The following DPP10 variants were observed in gnomAD, a reference collection of about 807,000 sequenced individuals.
DPP10 encodes the protein inactive dipeptidyl peptidase 10.
A neutral mutation model predicts 120.9 loss-of-function variants in DPP10; 33 were observed. The ratio of observed to expected loss-of-function variants is 0.27; its 90% CI spans 0.21 to 0.37. The LOEUF (loss-of-function observed/expected upper bound fraction) is 0.37. Ranked by LOEUF, DPP10 falls within the 10% of genes least tolerant of loss-of-function variation. The probability of loss-of-function intolerance (pLI) is 1.00; values close to 1 mark genes in which losing one functional copy is unlikely to be tolerated. For missense variants in DPP10, 816 were observed against 942.8 expected (o/e 0.87, Z 1.76); for synonymous variants, 337 against 326.1 (o/e 1.03, Z -0.36).
intron 1 of DPP10, among the ~76,000 whole-genome samples, chr2:114,911,011 C>T (rs1356502328): frequency 1.3e-5 from 2 of 152,088 alleles, no homozygotes; most frequent in Non-Finnish European, 2.9e-5. Context: ...TATATGTACA[C>T]CTCATTAAGT....
In DPP10 at chr2:114,885,896, A is replaced by G. The variant is rs531872566; in HGVS notation, c.61-423343A>G. On this transcript the variant is annotated intron_variant, in intron 1 of 25. Transcript: ENST00000410059. ...TAACATTCTTAAGCATCACATTTCT[A>G]ATTTGAATAATAGAGACGATAATTT... is the stretch of plus-strand genomic sequence containing the variant. 2.0e-5 allele frequency among the ~76,000 whole-genome samples: 3 copies of G among 152,324 alleles called. No individual in the cohort carries two copies. In the East Asian group the frequency reaches 5.8e-4, roughly 29 times the overall value.
At chr2:115,793,115 A>G (rs181406608) in intron 19 of DPP10, among the ~76,000 whole-genome samples, 28 of 152,256 alleles carry the variant, frequency 1.8e-4, no homozygotes, top group African/African-American at 6.0e-4. Context: ...AGAGGAATAT[A>G]AGGACCTACA....
chr2:114,948,196 G>C (rs1483946702), intron 1 of DPP10, among the ~76,000 whole-genome samples: 1 of 151,866 alleles, frequency 6.6e-6, no homozygotes, highest in Non-Finnish European at 1.5e-5. Flanking sequence ...TCACTCGTTT[G>C]TTCTTTAGTT....
chr2:115,380,455 T>A (rs546945379), intron 3 of DPP10, among the ~76,000 whole-genome samples: 3 of 152,298 alleles, frequency 2.0e-5, no homozygotes, highest in African/African-American at 7.2e-5. Context: ...TCTCTGCATG[T>A]GAGATGGGTT....
intron 3 of DPP10, among the ~76,000 whole-genome samples, chr2:115,489,641 A>G (rs2075993935): frequency 6.6e-6 from 1 of 151,160 alleles, no homozygotes; most frequent in Non-Finnish European, 1.5e-5. Flanking sequence ...TTAAGCTGGT[A>G]CAATTTGACT....
chr2:114,536,685 G>T (rs1401616195), intron 1 of DPP10, among the ~76,000 whole-genome samples: 1 of 152,190 alleles, frequency 6.6e-6, no homozygotes, highest in Admixed American at 6.5e-5. Flanking sequence ...GATTACAGGT[G>T]TGAGCCACCA....
intron 5 of DPP10, among the ~76,000 whole-genome samples, chr2:115,574,547 CA>C (rs894480903): frequency 1.3e-5 from 2 of 152,158 alleles, no homozygotes; most frequent in African/African-American, 4.8e-5. Flanking sequence ...CTTTTTGCAA[CA>C]AGGCTTTCTT....
intron 1 of DPP10, among the ~76,000 whole-genome samples, chr2:115,263,491 T>C (rs2059337009): frequency 6.6e-6 from 1 of 152,230 alleles, no homozygotes; most frequent in African/African-American, 2.4e-5. Flanking sequence ...CAATAACTGC[T>C]TAAGGCTATC....
chr2:114,581,275 C>G (rs1239798588), intron 1 of DPP10, among the ~76,000 whole-genome samples: 2 of 138,262 alleles, frequency 1.4e-5, no homozygotes, highest in African/African-American at 2.7e-5. Context: ...GCTCCACCTC[C>G]TGGGTTCACG....
At chr2:114,993,580 G>GTATATATATATATATATA (rs59593945) in intron 1 of DPP10, among the ~76,000 whole-genome samples, 1,522 of 97,064 alleles carry the variant, frequency 0.016, 40 homozygotes, top group Non-Finnish European at 0.021. Context: ...GTGTGTGTGT[G>GTATATATATATATATATA]TATATATATA....
intron 4 of DPP10, among the ~76,000 whole-genome samples, chr2:115,510,032 T>A (rs1395774858): frequency 6.6e-6 from 1 of 152,204 alleles, no homozygotes; most frequent in Non-Finnish European, 1.5e-5. Context: ...TCAAATTCTT[T>A]GCCCATTTTT....
chr2:115,334,381 T>A (rs2062992289), intron 2 of DPP10, among the ~76,000 whole-genome samples: 1 of 151,532 alleles, frequency 6.6e-6, no homozygotes. Context: ...AGATGTAGTG[T>A]ATTTGACTTT....
At chr2:115,197,322 G>A (rs2055355957) in intron 1 of DPP10, among the ~76,000 whole-genome samples, 1 of 151,790 alleles carries the variant, frequency 6.6e-6, no homozygotes, top group Non-Finnish European at 1.5e-5. Context: ...AACCTGGGAG[G>A]CGGAGGTTGC....
intron 1 of DPP10, among the ~76,000 whole-genome samples, chr2:115,197,336 G>A (rs923573013): frequency 2.6e-5 from 4 of 150,972 alleles, no homozygotes; most frequent in Non-Finnish European, 4.4e-5. Flanking sequence ...AGGTTGCAGT[G>A]AGCCGAGATC....
intron 1 of DPP10, among the ~76,000 whole-genome samples, chr2:115,133,145 G>GTATATA (rs1246180843): frequency 0.019 from 540 of 28,724 alleles, 27 homozygotes; most frequent in South Asian, 0.051. Context: ...GTGTGTGTGT[G>GTATATA]TATATATATA....
rs540312646 is a variant in DPP10, at chr2:114,680,153, A to G, written c.60+237315A>G. Among the ~76,000 whole-genome samples, 116 of 152,140 alleles carry G rather than the reference A, an allele frequency of 7.6e-4. 1 individual carries two copies. The highest frequency in any genetic ancestry group is 2.6e-3 in the African/African-American group (109 of 41,556). The stretch of plus-strand genomic sequence containing the variant: ...TGTAACGTCAGTGTCTAGGCTAAAG[A>G]TATGATGGAGAGCATCTAAATTTAA... On this transcript the variant is annotated intron_variant, in intron 1 of 25. Coordinates refer to ENST00000410059, the MANE Select transcript of DPP10 (RefSeq NM_020868.6).
At chr2:115,075,366 T>G (rs1707701445) in intron 1 of DPP10, among the ~76,000 whole-genome samples, 1 of 152,208 alleles carries the variant, frequency 6.6e-6, no homozygotes, top group Non-Finnish European at 1.5e-5. Context: ...ACGATCAGTG[T>G]GTAAAGATAC....
At chr2:115,118,200 A>C (rs17044124) in intron 1 of DPP10, among the ~76,000 whole-genome samples, 2 of 152,150 alleles carry the variant, frequency 1.3e-5, no homozygotes, top group East Asian at 1.9e-4. Flanking sequence ...ATTTCTGCTG[A>C]GTCTACTCCC....
chr2:115,130,774 T>G (rs1040425995), intron 1 of DPP10, among the ~76,000 whole-genome samples: 1 of 152,194 alleles, frequency 6.6e-6, no homozygotes, highest in African/African-American at 2.4e-5. Flanking sequence ...GCTGGGCTGG[T>G]AGAATTGAAA....
Sources: gnomAD v4.1 joint callset for allele counts (sites outside exome capture counted in the v4.1 genomes callset) on GRCh38, gnomAD v4.1.1 for gene constraint, MANE v1.5 for transcripts, NCBI Gene and HGNC (gene_info 2026-07-23, HGNC 2026-07-21) for gene names.